Variants in SETBP1 observed in about 807,000 individuals in gnomAD.
SETBP1 encodes SET-binding protein.
SETBP1 carries 9 observed loss-of-function variants against 101.0 expected under a neutral mutation model. That is an observed-to-expected ratio of 0.09 (90% CI 0.05 to 0.16). The LOEUF is 0.16. Ranked by LOEUF, SETBP1 falls within the 10% of genes least tolerant of loss-of-function variation. The pLI is 1.00. For missense variants in SETBP1, 1,858 were observed against 2,033.8 expected, an observed-to-expected ratio of 0.91 and a Z score of 1.66; for synonymous variants, 818 against 788.5, an observed-to-expected ratio of 1.04 and a Z score of -0.63.
At chr18:44,894,434 TA>T (rs2069845459) in intron 3 of SETBP1, among the ~76,000 whole-genome samples, 1 of 152,078 alleles carries the variant, frequency 6.6e-6, no homozygotes, top group African/African-American at 2.4e-5. Context: ...GCAATGTCCT[TA>T]ATTGAGGTAG....
chr18:44,695,512 G>T (rs1309388394), intron 1 of SETBP1, among the ~76,000 whole-genome samples: 1 of 152,218 alleles, frequency 6.6e-6, no homozygotes, highest in Admixed American at 6.5e-5. Context: ...TGAAAGACAT[G>T]CTACAAAATT....
At chr18:44,789,027 C>A (rs1015368405) in intron 2 of SETBP1, among the ~76,000 whole-genome samples, 4 of 151,882 alleles carry the variant, frequency 2.6e-5, no homozygotes, top group Non-Finnish European at 5.9e-5. Flanking sequence ...GGTCTTGAAT[C>A]CCTGGGCTCA....
intron 4 of SETBP1, among the ~76,000 whole-genome samples, chr18:45,035,860 C>T (rs1483588805): frequency 1.3e-5 from 2 of 152,202 alleles, no homozygotes; most frequent in Non-Finnish European, 2.9e-5. Flanking sequence ...AAATTTTCAT[C>T]AGACTCATGC....
At chr18:44,806,230 A>C (rs751576934) in intron 2 of SETBP1, among the ~76,000 whole-genome samples, 35 of 152,198 alleles carry the variant, frequency 2.3e-4, no homozygotes, top group Non-Finnish European at 4.1e-4. Flanking sequence ...TATTTTTAAA[A>C]AATCTGTTTT....
chr18:44,965,284 A>AACACACACACACACACACAC (rs60728043), intron 4 of SETBP1, among the ~76,000 whole-genome samples: 28 of 147,130 alleles, frequency 1.9e-4, no homozygotes, highest in Non-Finnish European at 3.1e-4. Flanking sequence ...CATGCACACA[A>AACACACACACACACACACAC]ACACACACAC....
At chr18:44,714,788 A>G (rs1318333367) in intron 2 of SETBP1, among the ~76,000 whole-genome samples, 3 of 152,078 alleles carry the variant, frequency 2.0e-5, no homozygotes, top group Non-Finnish European at 4.4e-5. Context: ...CATTTAGGGA[A>G]AAACCCAGGG....
At chr18:44,816,156 C>CA (rs1459579741) in intron 2 of SETBP1, among the ~76,000 whole-genome samples, 2 of 152,114 alleles carry the variant, frequency 1.3e-5, no homozygotes, top group South Asian at 2.1e-4. Flanking sequence ...AAAGCCAATG[C>CA]AAGGCAGGTG....
chr18:45,047,312 G>A (rs1213212403), intron 5 of SETBP1, among the ~76,000 whole-genome samples: 1 of 152,292 alleles, frequency 6.6e-6, no homozygotes, highest in East Asian at 1.9e-4. Flanking sequence ...AAATATTCAA[G>A]CTTCTCTTTA....
intron 3 of SETBP1, among the ~76,000 whole-genome samples, chr18:44,873,734 G>T (rs1440683556): frequency 6.6e-6 from 1 of 152,138 alleles, no homozygotes; most frequent in Non-Finnish European, 1.5e-5. Flanking sequence ...GGTCTTAAAG[G>T]TCTGGAAAAT....
intron 2 of SETBP1, among the ~76,000 whole-genome samples, chr18:44,716,228 T>G (rs1431496133): frequency 6.6e-6 from 1 of 152,180 alleles, no homozygotes; most frequent in Non-Finnish European, 1.5e-5. Context: ...TCCCTGCCAT[T>G]CTGCAGGAGA....
chr18:44,821,417 G>A (rs548929344), intron 2 of SETBP1, among the ~76,000 whole-genome samples: 1 of 152,266 alleles, frequency 6.6e-6, no homozygotes, highest in South Asian at 2.1e-4. Context: ...TCCTTGCGGG[G>A]CCCTACCTCT....
intron 5 of SETBP1, among the ~76,000 whole-genome samples, chr18:45,050,117 A>G (rs2073697362): frequency 6.6e-6 from 1 of 152,244 alleles, no homozygotes; most frequent in Admixed American, 6.5e-5. Flanking sequence ...GGTTGTAATC[A>G]CAATTAAATG....
At chr18:44,953,788 ATCTAATGTGAGAAG>A (rs1214999717) in intron 4 of SETBP1, among the ~76,000 whole-genome samples, 1 of 152,200 alleles carries the variant, frequency 6.6e-6, no homozygotes, top group East Asian at 1.9e-4. Context: ...CAAGTCACAC[ATCTAATGTGAGAAG>A]TCTACTGCAG....
At chr18:44,946,183 A>G (rs951446197) in intron 3 of SETBP1, among the ~76,000 whole-genome samples, 30 of 151,994 alleles carry the variant, frequency 2.0e-4, no homozygotes, top group Admixed American at 1.2e-3. Context: ...CATTCCCCCC[A>G]TTACTCCTGA....
upstream of SETBP1, chr18:44,680,516 C>T (rs2068741159): frequency 6.6e-6 from 1 of 152,112 alleles, no homozygotes; most frequent in South Asian, 2.1e-4. Flanking sequence ...AAGTTCACGT[C>T]GCCTTGCTGG....
At chr18:44,773,332 G>C (rs2070915778) in intron 2 of SETBP1, among the ~76,000 whole-genome samples, 2 of 152,140 alleles carry the variant, frequency 1.3e-5, no homozygotes, top group African/African-American at 2.4e-5. Context: ...GTGCTCTGTA[G>C]CTTTGAAACC....
rs184594905 is a variant in SETBP1 at position 44,831,315 on chromosome 18, A to G, written c.487-37915A>G. Among the ~76,000 whole-genome samples, 386 of 152,328 alleles carry G rather than the reference A, an allele frequency of 2.5e-3. 2 individuals are homozygous for G. The highest frequency in any genetic ancestry group is 6.8e-3 in the Middle Eastern group (2 of 294). On this transcript the variant is annotated intron_variant, in intron 2 of 5. Coordinates refer to ENST00000649279, the MANE Select transcript of SETBP1 (RefSeq NM_015559.3). The stretch of plus-strand genomic sequence containing the variant: ...ACCACTATCCTGTATAAAACCAGAC[A>G]TGTGATTAAGGGATATCTAAGGTTA...
intron 5 of SETBP1, among the ~76,000 whole-genome samples, chr18:45,062,093 G>A (rs2073899226): frequency 6.6e-6 from 1 of 152,224 alleles, no homozygotes; most frequent in Admixed American, 6.5e-5. Flanking sequence ...CAAGGAGAAA[G>A]AATGATCTGC....
chr18:45,044,735 T>C (rs1435559673), intron 5 of SETBP1, among the ~76,000 whole-genome samples: 2 of 152,144 alleles, frequency 1.3e-5, no homozygotes, highest in Non-Finnish European at 2.9e-5. Context: ...ACAGTATTAT[T>C]TTCAAAAAAC....
Sources: allele counts gnomAD v4.1 joint callset (sites outside exome capture counted in the v4.1 genomes callset), GRCh38; gene constraint gnomAD v4.1.1; transcripts MANE v1.5; gene names NCBI Gene and HGNC (gene_info 2026-07-23, HGNC 2026-07-21).